Variants in SEL1L3 observed in about 807,000 individuals in gnomAD.
SEL1L3 encodes the protein protein sel-1 homolog 3.
A neutral mutation model predicts 142.8 loss-of-function variants in SEL1L3; 76 were observed. The ratio of observed to expected loss-of-function variants is 0.53; its 90% CI spans 0.44 to 0.64. The LOEUF is 0.64. SEL1L3 is among the 30% of genes least tolerant of loss of function. The pLI, the probability that SEL1L3 is intolerant of heterozygous loss-of-function variation, is 0.00. For missense variants in SEL1L3, 1,262 were observed against 1,381.7 expected (o/e 0.91, Z 1.37); for synonymous variants, 504 against 519.6 (o/e 0.97, Z 0.41).
At chr4:25,796,170 C>T (rs183610281) in intron 11 of SEL1L3, among the ~76,000 whole-genome samples, 2 of 152,240 alleles carry the variant, frequency 1.3e-5, no homozygotes, top group East Asian at 1.9e-4. Context: ...ATCCTCAGAC[C>T]ACCCAGGACC....
chr4:25,726,128 A>C, the SEL1L3 span, among the ~76,000 whole-genome samples: 13 of 152,090 alleles, frequency 8.5e-5, no homozygotes, highest in East Asian at 3.9e-4. Flanking sequence ...TCAGAGTATC[A>C]GTTCTCATCC....
downstream of SEL1L3, among the ~76,000 whole-genome samples, chr4:25,743,947 G>GA (rs1717187803): frequency 6.6e-6 from 1 of 152,184 alleles, no homozygotes; most frequent in Admixed American, 6.5e-5. Context: ...TTTAAAGAGA[G>GA]AAGAGGGAGC....
chr4:25,739,990 G>T, the SEL1L3 span, among the ~76,000 whole-genome samples: 1 of 151,486 alleles, frequency 6.6e-6, no homozygotes, highest in African/African-American at 2.4e-5. Flanking sequence ...AGAGACGAAG[G>T]TCTCACTATG....
Position 25,785,374 on chromosome 4 carries a change from G to A in SEL1L3, c.2218-1084C>T, listed in dbSNP as rs920649185. The stretch of plus-strand genomic sequence containing the variant: ...CCTTAGTCACACAATGGGAAATGGG[G>A]GCAGAATTTGAATCCAGACAAATGG... On this transcript the variant is annotated intron_variant, in intron 13 of 23. Transcript: ENST00000399878. 2.0e-5 allele frequency among the ~76,000 whole-genome samples: 3 copies of A among 152,128 alleles called. No individual in the cohort carries two copies. The South Asian group carries it at 6.2e-4, about 32-fold the overall frequency.
chr4:25,741,930 T>C, the SEL1L3 span, among the ~76,000 whole-genome samples: 2 of 152,002 alleles, frequency 1.3e-5, no homozygotes, highest in African/African-American at 4.8e-5. Context: ...TGCCTCAGCC[T>C]CCCAAGTAGC....
chr4:25,743,982 G>A (rs1235389719), downstream of SEL1L3, among the ~76,000 whole-genome samples: 3 of 152,110 alleles, frequency 2.0e-5, no homozygotes, highest in South Asian at 2.1e-4. Flanking sequence ...GGTGTGTGCC[G>A]GACCCAGATC....
intron 2 of SEL1L3, among the ~76,000 whole-genome samples, chr4:25,838,818 C>T (rs780614485): frequency 3.3e-4 from 50 of 152,220 alleles, no homozygotes; most frequent in Admixed American, 7.2e-4. Context: ...GGTTAAGGGA[C>T]GATTATGTAG....
At chr4:25,774,702 A>C (rs1425046030) in intron 17 of SEL1L3, among the ~76,000 whole-genome samples, 1 of 152,178 alleles carries the variant, frequency 6.6e-6, no homozygotes, top group Non-Finnish European at 1.5e-5. Context: ...TACTAAAAAT[A>C]CAAAAATTAT....
At position 25,748,272 on chromosome 4, in the gene SEL1L3, T is replaced by C; in HGVS notation, c.*153A>G. 1 of 700,522 alleles carries C rather than the reference T, an allele frequency of 1.4e-6. No individual in the cohort carries two copies. Among genetic ancestry groups the C allele is most frequent in the Admixed American group, 2.9e-5 (1 of 34,730 alleles). 43.4% of individuals were successfully genotyped at this position (700,522 alleles called of 1,614,324 possible). A position where few individuals can be genotyped will look rare whatever the true frequency, so the allele number is the denominator to read the frequency against. ...GCCTGATCTGGGTACTTCCTTGTAATTTGACTTTAAAAAAAATGACACCAA... is the reference window on the plus strand; with the variant it reads ...GCCTGATCTGGGTACTTCCTTGTAACTTGACTTTAAAAAAAATGACACCAA... On this transcript the variant is annotated 3_prime_UTR_variant, in exon 24 of 24. Transcript: ENST00000399878.
intron 1 of SEL1L3, among the ~76,000 whole-genome samples, chr4:25,848,580 G>A (rs143610677): frequency 1.1e-3 from 171 of 152,344 alleles, no homozygotes; most frequent in East Asian, 6.2e-3. Flanking sequence ...GTGCTGATAT[G>A]TGAGTGCTAA....
chr4:25,859,845 T>C (rs964439589), intron 1 of SEL1L3, among the ~76,000 whole-genome samples: 3 of 152,270 alleles, frequency 2.0e-5, no homozygotes, highest in African/African-American at 7.2e-5. Context: ...ATCCTGCTTC[T>C]ATTCTGTGGC....
chr4:25,789,514 C>T (rs1279044834), intron 12 of SEL1L3, among the ~76,000 whole-genome samples: 1 of 147,732 alleles, frequency 6.8e-6, no homozygotes, highest in African/African-American at 2.5e-5. Flanking sequence ...GAGCCCAGGA[C>T]TTTGAGGCTG....
chr4:25,807,496 C>G (rs1199610944), intron 9 of SEL1L3, among the ~76,000 whole-genome samples: 1 of 152,068 alleles, frequency 6.6e-6, no homozygotes, highest in Non-Finnish European at 1.5e-5. Context: ...TCTACTGCCA[C>G]TTATTCATGT....
chr4:25,733,559 T>A, the SEL1L3 span, among the ~76,000 whole-genome samples: 1 of 147,610 alleles, frequency 6.8e-6, no homozygotes, highest in Non-Finnish European at 1.5e-5. Flanking sequence ...TCTCACTCTG[T>A]CACTCAGCTG....
At chr4:25,836,901 A>G (rs904673228) in intron 2 of SEL1L3, among the ~76,000 whole-genome samples, 9 of 152,254 alleles carry the variant, frequency 5.9e-5, no homozygotes, top group Middle Eastern at 6.8e-3. Flanking sequence ...GTTTACTACA[A>G]TTTGGAAATC....
At chr4:25,839,709 G>T (rs946782989) in intron 2 of SEL1L3, among the ~76,000 whole-genome samples, 1 of 152,218 alleles carries the variant, frequency 6.6e-6, no homozygotes, top group African/African-American at 2.4e-5. Flanking sequence ...CAGAAGATTC[G>T]AGGGGGAGGG....
chr4:25,784,388 A>C (rs1208153696), intron 13 of SEL1L3, 98 bp from the exon 14 acceptor site: 12 of 951,154 alleles, frequency 1.3e-5, no homozygotes, highest in Non-Finnish European at 1.8e-5. Context: ...TAAAAATAAA[A>C]CCCTAACTTT....
upstream of SEL1L3, chr4:25,863,467 C>G (rs1193578697): frequency 7.1e-6 from 5 of 702,754 alleles, no homozygotes; most frequent in South Asian, 5.9e-5. Context: ...AGTTCCCGCC[C>G]GTGCAATGGG....
intron 19 of SEL1L3, among the ~76,000 whole-genome samples, chr4:25,765,937 A>G (rs1436783436): frequency 6.6e-6 from 1 of 151,878 alleles, no homozygotes; most frequent in Admixed American, 6.6e-5. Flanking sequence ...CCGTGCCTGG[A>G]CTCTAGACAG....
Sources: gnomAD v4.1 joint callset for allele counts (sites outside exome capture counted in the v4.1 genomes callset) on GRCh38, gnomAD v4.1.1 for gene constraint, MANE v1.5 for transcripts, NCBI Gene and HGNC (gene_info 2026-07-23, HGNC 2026-07-21) for gene names.